Variants in AKAP7 observed in about 807,000 individuals in gnomAD.
AKAP7 encodes the protein A kinase (PRKA) anchor protein 7.
A neutral mutation model predicts 39.5 loss-of-function variants in AKAP7; 39 were observed. The ratio of observed to expected loss-of-function variants is 0.99; its 90% CI spans 0.76 to 1.29. The LOEUF is 1.29. Among genes scored for constraint, AKAP7 ranks in the 50% most tolerant of loss-of-function variants. The pLI is 0.00. For synonymous variants in AKAP7, 140 were observed against 139.1 expected, an observed-to-expected ratio of 1.01 and a Z score of -0.05; for missense variants, 414 against 407.7, an observed-to-expected ratio of 1.02 and a Z score of -0.13.
intron 3 of AKAP7, 71 bp downstream of exon 3, chr6:131,160,269 T>G: frequency 6.8e-7 from 1 of 1,472,222 alleles, no homozygotes; most frequent in Non-Finnish European, 9.3e-7. Context: ...AAATGCTTAT[T>G]AGCCCACTTG....
At chr6:131,127,986 G>A in the AKAP7 span, among the ~76,000 whole-genome samples, 1 of 152,102 alleles carries the variant, frequency 6.6e-6, no homozygotes, top group African/African-American at 2.4e-5. Flanking sequence ...GAGAACAAGT[G>A]GACACAAAGA....
intron 6 of AKAP7, chr6:131,199,856 C>T (rs772482603): frequency 1.1e-5 from 4 of 369,876 alleles, no homozygotes; most frequent in African/African-American, 2.2e-5. Context: ...TGAAGAGCCT[C>T]GAGGTGGTGC....
intron 5 of AKAP7, among the ~76,000 whole-genome samples, chr6:131,199,014 A>G (rs761076267): frequency 9.9e-5 from 15 of 152,232 alleles, no homozygotes; most frequent in Non-Finnish European, 1.3e-4. Flanking sequence ...GTAAGCTGGA[A>G]TAATCAAAGG....
rs1801393071 is a variant in AKAP7, at chr6:131,145,329, A to G, written c.64A>G (p.Lys22Glu). The G allele has an allele frequency of 6.4e-7, 1 of 1,562,962 alleles. No individual in the cohort carries two copies. The highest frequency in any genetic ancestry group is 1.2e-5 in the South Asian group (1 of 82,476). Residue 22 changes from lysine (K) to glutamate (E), a missense_variant, in exon 2 of 8, where the codon AAA becomes GAA. Coordinates refer to ENST00000431975, the MANE Select transcript of AKAP7 (RefSeq NM_016377.4). ...GTGTGAAAATGTATCAAGAAAAAAG[A>G]AAATGTCAGAGGAATTTGAAGCCAA... Reference protein sequence around the residue: ...NECENVSRKKKMSEEFEANTM... With the variant: ...NECENVSRKKEMSEEFEANTM...
Position 131,219,679 on chromosome 6 carries a change from C to A in AKAP7, c.721C>A (p.Pro241Thr). ...TTTCAAGGGAGTGAAAAAAATAGAT[C>A]CTGATTTATATGAAAAGTTTATCAG... The part of the protein sequence containing the change: ...LRKNGVKKID[P>T]DLYEKFISHR... Residue 241 changes from proline to threonine, a missense_variant, in exon 7 of 8, where the codon CCT (proline) becomes ACT (threonine). Physicochemically the swap from Pro to Thr is conservative, Grantham distance 38. Transcript: ENST00000431975. 1 of 1,594,224 alleles carries A rather than the reference C, an allele frequency of 6.3e-7. No individual in the cohort carries two copies. Among genetic ancestry groups the A allele is most frequent in the South Asian group, 1.1e-5 (1 of 87,132 alleles).
chr6:131,271,801 C>G (rs1394526389), intron 7 of AKAP7, among the ~76,000 whole-genome samples: 1 of 152,132 alleles, frequency 6.6e-6, no homozygotes. Context: ...AAAAAGTTCT[C>G]TTTTAAAGTC....
At chr6:131,174,576 G>A (rs1804395326) in intron 5 of AKAP7, among the ~76,000 whole-genome samples, 2 of 152,216 alleles carry the variant, frequency 1.3e-5, no homozygotes, top group Admixed American at 6.5e-5. Flanking sequence ...CTGGGCAATG[G>A]AGTGAGACCC....
At position 131,135,566 on chromosome 6, in the gene AKAP7, C is replaced by G. The variant is rs1431822937; in HGVS notation, c.-198C>G. On this transcript the variant is annotated 5_prime_UTR_variant, in exon 1 of 8. Transcript: ENST00000431975. Reference sequence around the variant, plus strand: ...GCCGCGGGGGCTGCGGCTTGGGAAGCTCCGCGCTTCCGCAGGCCTGGCCTC... The same window carrying G: ...GCCGCGGGGGCTGCGGCTTGGGAAGGTCCGCGCTTCCGCAGGCCTGGCCTC... The G allele has an allele frequency of 3.7e-6, 1 of 266,836 alleles. No homozygotes were observed. Among genetic ancestry groups the G allele is most frequent in the Non-Finnish European group, 5.8e-6 (1 of 172,234 alleles). The allele number at this position is 266,836 out of a possible 1,614,324, so 16.5% of individuals were successfully genotyped here.
At chr6:131,242,570 G>A (rs568888127) in intron 7 of AKAP7, among the ~76,000 whole-genome samples, 2 of 151,596 alleles carry the variant, frequency 1.3e-5, no homozygotes, top group African/African-American at 4.8e-5. Context: ...CCAAAAAGCA[G>A]ATACAGATTT....
intron 1 of AKAP7, among the ~76,000 whole-genome samples, chr6:131,143,038 C>G (rs560662096): frequency 7.9e-5 from 12 of 152,298 alleles, no homozygotes; most frequent in African/African-American, 2.6e-4. Context: ...CCTGTACCAC[C>G]TTTGTATCTT....
At chr6:131,212,784 G>A in intron 6 of AKAP7, among the ~76,000 whole-genome samples, 1 of 152,150 alleles carries the variant, frequency 6.6e-6, no homozygotes. Flanking sequence ...AAGTGAGAAG[G>A]AAGAATGTTG....
At chr6:131,148,111 T>C (rs1024289646) in intron 2 of AKAP7, among the ~76,000 whole-genome samples, 1 of 152,218 alleles carries the variant, frequency 6.6e-6, no homozygotes, top group African/African-American at 2.4e-5. Flanking sequence ...ATTGGAGGGA[T>C]GGCCAGTTCT....
chr6:131,249,249 T>G (rs571943048), intron 7 of AKAP7, among the ~76,000 whole-genome samples: 10 of 152,330 alleles, frequency 6.6e-5, no homozygotes, highest in African/African-American at 2.4e-4. Flanking sequence ...GATAACACTC[T>G]CAAATACTCT....
At chr6:131,235,477 T>C (rs538267907) in intron 7 of AKAP7, among the ~76,000 whole-genome samples, 1 of 152,222 alleles carries the variant, frequency 6.6e-6, no homozygotes, top group Non-Finnish European at 1.5e-5. Context: ...CCCTGAGGAA[T>C]GGCCACACTG....
intron 4 of AKAP7, among the ~76,000 whole-genome samples, chr6:131,167,984 C>T (rs1361805458): frequency 6.6e-6 from 1 of 152,104 alleles, no homozygotes; most frequent in Non-Finnish European, 1.5e-5. Flanking sequence ...AATGGCTGCC[C>T]TCTAGTGATA....
chr6:131,281,827 CT>C lies in AKAP7; in HGVS notation c.*102del. ...AGCGTGCTGTTTAAGTTAAGTTTCT[CT>C]GGTGCAATCTGTGAAGATTGCCTAA... On this transcript the variant is annotated 3_prime_UTR_variant, in exon 8 of 8. Coordinates refer to ENST00000431975, the MANE Select transcript of AKAP7 (RefSeq NM_016377.4). This position sits in a 1 kb window ranked among gnomAD's most constrained non-coding sequence, Gnocchi z 4.0. 2 of 1,347,020 alleles carry C rather than the reference CT, an allele frequency of 1.5e-6. No individual in the cohort carries two copies. The highest frequency in any genetic ancestry group is 4.4e-5 in the South Asian group (2 of 45,048). The allele number at this position is 1,347,020 out of a possible 1,614,324, so 83.4% of individuals were successfully genotyped here.
At chr6:131,204,736 A>G (rs1416152392) in intron 6 of AKAP7, among the ~76,000 whole-genome samples, 1 of 152,124 alleles carries the variant, frequency 6.6e-6, no homozygotes, top group Non-Finnish European at 1.5e-5. Context: ...TGCAGGAGTG[A>G]GGGGCAGCCA....
At chr6:131,199,191 T>A (rs1807269902) in intron 5 of AKAP7, among the ~76,000 whole-genome samples, 2 of 152,248 alleles carry the variant, frequency 1.3e-5, no homozygotes, top group African/African-American at 4.8e-5. Flanking sequence ...CAGCAGTTAT[T>A]CTGTTTATTA....
intron 5 of AKAP7, among the ~76,000 whole-genome samples, chr6:131,198,052 G>A (rs1207830123): frequency 6.6e-6 from 1 of 152,174 alleles, no homozygotes; most frequent in East Asian, 1.9e-4. Context: ...AGTGCTAGAA[G>A]CAAGGAGCCA....
Sources: allele counts gnomAD v4.1 joint callset (sites outside exome capture counted in the v4.1 genomes callset), GRCh38; gene constraint gnomAD v4.1.1; non-coding constraint Gnocchi (gnomAD v3.1); transcripts MANE v1.5; gene names NCBI Gene and HGNC (gene_info 2026-07-23, HGNC 2026-07-21).